Variants in TNRC6C observed in about 807,000 individuals in gnomAD.
TNRC6C encodes the protein trinucleotide repeat containing adaptor 6C.
In TNRC6C, 20 loss-of-function variants were observed where a neutral mutation model predicts 153.7. That is an observed-to-expected ratio of 0.13 (90% CI 0.09 to 0.19). The LOEUF (loss-of-function observed/expected upper bound fraction) is 0.19, where lower values mean the gene tolerates loss of function less well. Among genes scored for constraint, TNRC6C ranks in the 10% least tolerant of loss-of-function variants. TNRC6C has a pLI of 1.00. For missense variants in TNRC6C, 1,987 were observed against 2,172.0 expected (o/e 0.91, Z 1.69); for synonymous variants, 811 against 841.4 (o/e 0.96, Z 0.63).
At chr17:77,967,557 T>A (rs2070907523) in intron 1 of TNRC6C, among the ~76,000 whole-genome samples, 3 of 152,170 alleles carry the variant, frequency 2.0e-5, no homozygotes, top group Non-Finnish European at 2.9e-5. Flanking sequence ...GGAACAGTCA[T>A]CATAGGGGCT....
At chr17:78,107,506 C>T (rs2073722131) in exon 20 of TNRC6C, 2 of 152,222 alleles carry the variant, frequency 1.3e-5, no homozygotes, top group South Asian at 4.1e-4. Flanking sequence ...TGGATGTCTA[C>T]TTTGCACGCT....
exon 20 of TNRC6C, chr17:78,106,045 A>C (rs1278994816): frequency 6.8e-6 from 1 of 146,456 alleles, no homozygotes; most frequent in Admixed American, 6.9e-5. Flanking sequence ...TTGGAATATA[A>C]AGTTAAAGAG....
At chr17:78,010,659 T>G (rs902528843) in intron 1 of TNRC6C, among the ~76,000 whole-genome samples, 11 of 152,226 alleles carry the variant, frequency 7.2e-5, no homozygotes, top group African/African-American at 2.7e-4. Context: ...ATTGATTGTA[T>G]GAGGTATCTT....
chr17:78,060,974 C>T (rs1214737480), intron 3 of TNRC6C, among the ~76,000 whole-genome samples: 1 of 152,188 alleles, frequency 6.6e-6, no homozygotes, highest in Non-Finnish European at 1.5e-5. Context: ...CTGTCTGCTG[C>T]TCATTTTTAT....
chr17:78,027,569 T>C (rs1217503324), intron 1 of TNRC6C, among the ~76,000 whole-genome samples: 1 of 152,172 alleles, frequency 6.6e-6, no homozygotes, highest in Non-Finnish European at 1.5e-5. Context: ...GGCCTTCATA[T>C]CTACTTTGGA....
Position 78,100,279 on chromosome 17 carries a change from C to T in TNRC6C, c.4501+1742C>T, listed in dbSNP as rs542298483. On this transcript the variant is annotated intron_variant, in intron 17 of 19. Coordinates refer to ENST00000301624, the Ensembl canonical transcript of TNRC6C. ...GTGTGGGGGCTCCAACCCCACATTT[C>T]CCTTCCACACTGCCCTAGCAGAGGT... Among the ~76,000 whole-genome samples the T allele has an allele frequency of 2.0e-5, 3 of 152,364 alleles. No homozygotes were observed. In the South Asian group the frequency reaches 6.2e-4, roughly 32 times the overall value.
intron 17 of TNRC6C, 93 bp downstream of exon 20, chr17:78,098,630 T>C: frequency 7.2e-7 from 1 of 1,395,438 alleles, no homozygotes; most frequent in Admixed American, 2.3e-5. Flanking sequence ...TAAGGACCCC[T>C]GCCTGTAACT....
At chr17:78,054,948 G>A (rs749978996) in intron 3 of TNRC6C, among the ~76,000 whole-genome samples, 6 of 147,422 alleles carry the variant, frequency 4.1e-5, no homozygotes, top group Admixed American at 1.4e-4. Flanking sequence ...ACTACTGTAC[G>A]CTACCATACA....
intron 1 of TNRC6C, among the ~76,000 whole-genome samples, chr17:77,963,592 A>G (rs545049362): frequency 2.2e-4 from 34 of 152,328 alleles, no homozygotes; most frequent in African/African-American, 7.5e-4. Flanking sequence ...GTAGCCTTCA[A>G]AAGACTATAG....
intron 1 of TNRC6C, among the ~76,000 whole-genome samples, chr17:77,964,769 G>A (rs1040101928): frequency 2.0e-5 from 3 of 152,166 alleles, no homozygotes; most frequent in Non-Finnish European, 4.4e-5. Context: ...GGAGGGAGAT[G>A]CACAAGTATT....
intron 3 of TNRC6C, among the ~76,000 whole-genome samples, chr17:78,051,719 C>T (rs763956847): frequency 4.6e-5 from 7 of 151,930 alleles, no homozygotes; most frequent in African/African-American, 9.7e-5. Flanking sequence ...CGGTGGTGGC[C>T]TGGGGTGGAG....
Position 78,049,588 on chromosome 17 carries a change from C to T in TNRC6C, c.526C>T (p.Pro176Ser). 6.2e-7 allele frequency: 1 copy of T among 1,613,996 alleles called. No homozygotes were observed. Among genetic ancestry groups the T allele is most frequent in the Non-Finnish European group, 8.5e-7 (1 of 1,179,904 alleles). ...TCAGAATGTGTCTTTCAGCGCACAA[C>T]CTCAGAACCTTAACACTGATGGACC... is the stretch of plus-strand genomic sequence containing the variant. The change falls in exon 3 of 20, where the codon CCT (proline) becomes TCT (serine). Residue 176 changes from proline to serine, a missense_variant. This residue lies in a region of TNRC6C where 1,052 missense variants were observed against 1,017.0 expected (regional missense o/e 1.03). Coordinates refer to ENST00000301624, the Ensembl canonical transcript of TNRC6C. This position sits in a 1 kb window ranked among gnomAD's most constrained non-coding sequence, Gnocchi z 4.1.
exon 20 of TNRC6C, chr17:78,105,420 TTTC>T (rs2073676442): frequency 6.6e-6 from 1 of 152,268 alleles, no homozygotes; most frequent in Admixed American, 6.5e-5. Context: ...TTCATTACTT[TTTC>T]ATGTCATTTT....
In TNRC6C at chr17:78,063,138, C is replaced by T. The variant is rs140115840; in HGVS notation, c.2396-1584C>T. 1.7e-3 allele frequency among the ~76,000 whole-genome samples: 263 copies of T among 151,772 alleles called. 1 individual carries two copies. Among genetic ancestry groups the T allele is most frequent in the African/African-American group, 5.8e-3 (241 of 41,394 alleles). On this transcript the variant is annotated intron_variant, in intron 3 of 19. Transcript: ENST00000301624. ...TTGCGTGCCTGTAGTCCCAGCTACT[C>T]AGGAGACTGAGGCATGAGAACCCCT...
chr17:77,962,916 G>T (rs1377476027), intron 1 of TNRC6C, among the ~76,000 whole-genome samples: 2 of 152,202 alleles, frequency 1.3e-5, no homozygotes, highest in Non-Finnish European at 2.9e-5. Flanking sequence ...TATTTTGTTT[G>T]AAGATGTCAT....
At chr17:77,989,910 T>G (rs754310584) in intron 1 of TNRC6C, among the ~76,000 whole-genome samples, 37 of 152,342 alleles carry the variant, frequency 2.4e-4, no homozygotes, top group Middle Eastern at 3.4e-3. Flanking sequence ...GATTTATATT[T>G]CTGCATTAAC....
intron 1 of TNRC6C, among the ~76,000 whole-genome samples, chr17:77,995,629 CTG>C: frequency 6.6e-6 from 1 of 152,280 alleles, no homozygotes; most frequent in East Asian, 1.9e-4. Flanking sequence ...AATAACCACT[CTG>C]TAACACATAG....
intron 3 of TNRC6C, among the ~76,000 whole-genome samples, chr17:78,054,789 CTACTG>C (rs2072616083): frequency 6.6e-6 from 1 of 152,046 alleles, no homozygotes; most frequent in Non-Finnish European, 1.5e-5. Context: ...TTACTGCAGA[CTACTG>C]TACACTACTA....
chr17:78,082,990 AC>A, intron 10 of TNRC6C, 56 bp from the exon 13 acceptor site: 1 of 1,591,846 alleles, frequency 6.3e-7, no homozygotes, highest in Non-Finnish European at 8.6e-7. Context: ...AACTACAGGT[AC>A]AAGTAACTAT....
Sources: allele counts gnomAD v4.1 joint callset (sites outside exome capture counted in the v4.1 genomes callset), GRCh38; gene constraint gnomAD v4.1.1; regional missense constraint gnomAD v4.1.1; non-coding constraint Gnocchi (gnomAD v3.1); transcripts MANE v1.5; gene names NCBI Gene and HGNC (gene_info 2026-07-23, HGNC 2026-07-21).